Variants in CC2D2B observed in about 807,000 individuals in gnomAD.
CC2D2B encodes the protein coiled-coil and C2 domain containing 2B, also known as protein CC2D2B.
A neutral mutation model predicts 161.2 loss-of-function variants in CC2D2B; 128 were observed. That is an observed-to-expected ratio of 0.79 (90% CI 0.69 to 0.92). The LOEUF is 0.92. Ranked by LOEUF, CC2D2B falls within the 40% of genes least tolerant of loss-of-function variation. The pLI, the probability that CC2D2B is intolerant of heterozygous loss-of-function variation, is 0.00. For synonymous variants in CC2D2B, 391 were observed against 449.8 expected, an observed-to-expected ratio of 0.87 and a Z score of 1.65; for missense variants, 1,173 against 1,375.1, an observed-to-expected ratio of 0.85 and a Z score of 2.32.
chr10:96,003,039 T>C (rs1057449755), intron 24 of CC2D2B, among the ~76,000 whole-genome samples: 1 of 147,810 alleles, frequency 6.8e-6, no homozygotes, highest in Admixed American at 6.8e-5. Flanking sequence ...TATATATATA[T>C]ATATAGAAAT....
intron 9 of CC2D2B, 84 bp from the exon 10 acceptor site, chr10:95,949,812 T>C (rs2076342827): frequency 5.0e-6 from 2 of 397,080 alleles, no homozygotes; most frequent in Non-Finnish European, 8.9e-6. Context: ...ACAATTGAAA[T>C]GTTACTTTTG....
chr10:95,993,851 TAG>T (rs60372025), intron 22 of CC2D2B, among the ~76,000 whole-genome samples: 2,171 of 97,938 alleles, frequency 0.022, 63 homozygotes, highest in African/African-American at 0.071. Flanking sequence ...TATATATATA[TAG>T]AGAGAGAGAG....
chr10:96,009,176 T>G (rs2078882419), intron 25 of CC2D2B, among the ~76,000 whole-genome samples: 3 of 152,112 alleles, frequency 2.0e-5, no homozygotes, highest in African/African-American at 7.2e-5. Flanking sequence ...TCTTTATATT[T>G]AAAATGGGTT....
At chr10:96,012,823 G>A (rs2079048559) in intron 28 of CC2D2B, 94 bp downstream of exon 28, 10 of 748,130 alleles carry the variant, frequency 1.3e-5, no homozygotes, top group South Asian at 1.0e-4. Flanking sequence ...TCAATCTAGT[G>A]AGTTGTCTGT....
At chr10:96,009,757 C>A in intron 25 of CC2D2B, 68 bp from the exon 26 acceptor site, 1 of 571,598 alleles carries the variant, frequency 1.7e-6, no homozygotes. Context: ...TTATATTTAC[C>A]TGTGAGTTTA....
intron 3 of CC2D2B, among the ~76,000 whole-genome samples, chr10:95,923,743 G>A (rs565509255): frequency 3.9e-5 from 6 of 152,268 alleles, no homozygotes; most frequent in East Asian, 1.9e-4. Context: ...GGCTGGGCGC[G>A]GTGGCTCATG....
At chr10:95,968,061 A>C (rs541684278) in intron 14 of CC2D2B, among the ~76,000 whole-genome samples, 5 of 152,358 alleles carry the variant, frequency 3.3e-5, no homozygotes, top group Non-Finnish European at 4.4e-5. Flanking sequence ...TAGGAGTTTT[A>C]TATCAGTCAA....
chr10:95,981,258 A>T (rs1270911994), intron 17 of CC2D2B, among the ~76,000 whole-genome samples: 2 of 152,042 alleles, frequency 1.3e-5, no homozygotes, highest in Admixed American at 1.3e-4. Flanking sequence ...CAGGCGTGGT[A>T]GCACGTGCCT....
At chr10:96,017,077 C>T (rs561052375) in intron 30 of CC2D2B, among the ~76,000 whole-genome samples, 2 of 152,344 alleles carry the variant, frequency 1.3e-5, no homozygotes, top group South Asian at 4.1e-4. Context: ...TCTCCTCATG[C>T]TCCATTGCTG....
chr10:95,927,294 G>A lies in CC2D2B; in HGVS notation c.298G>A (p.Gly100Ser). The A allele has an allele frequency of 6.4e-7, 1 of 1,551,650 alleles. No homozygotes were observed. Among genetic ancestry groups the A allele is most frequent in the East Asian group, 2.4e-5 (1 of 40,896 alleles). ...AAGTCTTTCATTTTTCATTCTGAGT[G>A]GTGAAGAAGGTTCAGCTTTGGGCAA... Reference protein sequence around the residue: ...DESLSFFILSGEEGSALGKSS... With the variant: ...DESLSFFILSSEEGSALGKSS... Residue 100 changes from glycine to serine, a missense_variant, in exon 6 of 35, where the codon GGT becomes AGT. Physicochemically the swap from Gly to Ser is moderately conservative, Grantham distance 56. This residue lies in a region of CC2D2B where 298 missense variants were observed against 261.2 expected (regional missense o/e 1.14). Coordinates refer to ENST00000646931, the MANE Select transcript of CC2D2B (RefSeq NM_001349008.3).
intron 1 of CC2D2B, among the ~76,000 whole-genome samples, chr10:95,909,553 C>G (rs374476613): frequency 6.4e-4 from 97 of 152,266 alleles, no homozygotes; most frequent in African/African-American, 2.3e-3. Flanking sequence ...GAATTCAGAT[C>G]TGCTAAGGAA....
At chr10:95,935,740 C>T (rs1012032730) in intron 6 of CC2D2B, among the ~76,000 whole-genome samples, 4 of 152,078 alleles carry the variant, frequency 2.6e-5, no homozygotes, top group African/African-American at 7.2e-5. Flanking sequence ...CTGTGTCCCC[C>T]GCTAACTTTG....
rs139418150 is a variant in CC2D2B, at chr10:95,952,188, G to A, written c.1011+2083G>A. On this transcript the variant is annotated intron_variant, in intron 10 of 34. Transcript: ENST00000646931. ...TAGTGGAAGAGTCATTGGCATCCAA[G>A]GAATTCTTAAACTGAAATATGCTCC... 2.0e-5 allele frequency: 3 copies of A among 152,256 alleles called. No homozygotes were observed. The East Asian group carries it at 5.8e-4, about 29-fold the overall frequency. The allele number at this position is 152,256 out of a possible 1,614,324, so 9.4% of individuals were successfully genotyped here.
chr10:96,009,600 A>C (rs1052815163), intron 25 of CC2D2B, among the ~76,000 whole-genome samples: 1 of 152,108 alleles, frequency 6.6e-6, no homozygotes, highest in Non-Finnish European at 1.5e-5. Context: ...TACTTTACAC[A>C]AGTCATAAAC....
At chr10:95,916,299 T>C (rs2098516248) in intron 2 of CC2D2B, among the ~76,000 whole-genome samples, 1 of 151,986 alleles carries the variant, frequency 6.6e-6, no homozygotes, top group Non-Finnish European at 1.5e-5. Context: ...CTCTTTGTCT[T>C]AGTGAGTCTG....
At chr10:95,955,079 T>C (rs756632544) in intron 10 of CC2D2B, among the ~76,000 whole-genome samples, 10 of 152,284 alleles carry the variant, frequency 6.6e-5, no homozygotes, top group Non-Finnish European at 1.3e-4. Flanking sequence ...ATAAGATTGA[T>C]ACCTGTGCTC....
At chr10:95,973,225 T>A (rs2077197803) in intron 16 of CC2D2B, among the ~76,000 whole-genome samples, 1 of 152,006 alleles carries the variant, frequency 6.6e-6, no homozygotes, top group Non-Finnish European at 1.5e-5. Context: ...AATAAGCTTA[T>A]GGAGACCCGG....
intron 10 of CC2D2B, chr10:95,952,280 A>G (rs1358265085): frequency 6.6e-6 from 1 of 152,210 alleles, no homozygotes; most frequent in Non-Finnish European, 1.5e-5. Flanking sequence ...AGAGAGTAGA[A>G]AGGATGCTCA....
chr10:95,977,255 G>C (rs2077352790), intron 17 of CC2D2B, among the ~76,000 whole-genome samples: 1 of 152,088 alleles, frequency 6.6e-6, no homozygotes, highest in South Asian at 2.1e-4. Context: ...CACGCATGTA[G>C]TCCCAGCTAC....
Sources: allele counts gnomAD v4.1 joint callset (sites outside exome capture counted in the v4.1 genomes callset), GRCh38; gene constraint gnomAD v4.1.1; regional missense constraint gnomAD v4.1.1; transcripts MANE v1.5; gene names NCBI Gene and HGNC (gene_info 2026-07-23, HGNC 2026-07-21).